The following GPM6A variants were observed in gnomAD, a reference collection of about 807,000 sequenced individuals.
GPM6A encodes neuronal membrane glycoprotein M6-a.
GPM6A carries 7 observed loss-of-function variants against 32.1 expected under a neutral mutation model. The observed-to-expected ratio is 0.22, with a 90% CI of 0.12 to 0.41. The LOEUF (loss-of-function observed/expected upper bound fraction) is 0.41, where lower values mean the gene tolerates loss of function less well. Ranked by LOEUF, GPM6A falls within the 10% of genes least tolerant of loss-of-function variation. GPM6A has a pLI of 1.00. For synonymous variants in GPM6A, 130 were observed against 123.4 expected, an observed-to-expected ratio of 1.05 and a Z score of -0.35; for missense variants, 235 against 347.2, an observed-to-expected ratio of 0.68 and a Z score of 2.57.
intron 1 of GPM6A, among the ~76,000 whole-genome samples, chr4:175,724,256 T>G (rs181560172): frequency 2.3e-3 from 343 of 152,244 alleles, no homozygotes; most frequent in African/African-American, 8.0e-3. Flanking sequence ...GTAAAAAAGT[T>G]GAACTCGGCC....
chr4:175,685,564 G>A (rs922157653), intron 2 of GPM6A, among the ~76,000 whole-genome samples: 16 of 152,012 alleles, frequency 1.1e-4, no homozygotes, highest in African/African-American at 3.9e-4. Flanking sequence ...ATTATTATTG[G>A]AATTGGCTTA....
At chr4:175,830,490 C>T (rs556448931) in intron 1 of GPM6A, among the ~76,000 whole-genome samples, 1 of 152,144 alleles carries the variant, frequency 6.6e-6, no homozygotes, top group South Asian at 2.1e-4. Context: ...CATATATCAT[C>T]CCATTTAATC....
chr4:175,958,369 A>G (rs1248926556), intron 1 of GPM6A, among the ~76,000 whole-genome samples: 4 of 152,206 alleles, frequency 2.6e-5, no homozygotes, highest in Non-Finnish European at 5.9e-5. Context: ...GTTGATTCAG[A>G]GGCATGTTTA....
chr4:175,720,047 GT>G (rs1746033267), intron 1 of GPM6A, among the ~76,000 whole-genome samples: 1 of 152,154 alleles, frequency 6.6e-6, no homozygotes, highest in Non-Finnish European at 1.5e-5. Context: ...CGGATGCACT[GT>G]TTTTTCTTAC....
At chr4:175,780,814 G>A (rs183124471) in intron 1 of GPM6A, among the ~76,000 whole-genome samples, 57 of 152,202 alleles carry the variant, frequency 3.7e-4, no homozygotes, top group African/African-American at 1.2e-3. Flanking sequence ...CAAAATAAGT[G>A]AATTTGTGAT....
chr4:175,715,584 G>A (rs1328052794), intron 1 of GPM6A, among the ~76,000 whole-genome samples: 1 of 152,102 alleles, frequency 6.6e-6, no homozygotes, highest in Non-Finnish European at 1.5e-5. Flanking sequence ...AAATGGGAGT[G>A]GGGTAGAATC....
intron 1 of GPM6A, among the ~76,000 whole-genome samples, chr4:175,826,172 C>CAA (rs372616594): frequency 7.0e-6 from 1 of 143,374 alleles, no homozygotes. Flanking sequence ...AACAAACAAA[C>CAA]AAACAAAAAA....
chr4:175,927,611 A>G (rs28513735), intron 1 of GPM6A, among the ~76,000 whole-genome samples: 5,263 of 152,338 alleles, frequency 0.035, 328 homozygotes, highest in African/African-American at 0.12. Context: ...TCGGCCAGGC[A>G]CGGTGGCTCA....
At chr4:175,741,073 ACTGT>A (rs1449646387) in intron 1 of GPM6A, among the ~76,000 whole-genome samples, 9 of 152,152 alleles carry the variant, frequency 5.9e-5, no homozygotes, top group Middle Eastern at 6.8e-3. Flanking sequence ...AAGAATCAGA[ACTGT>A]CTAATTGGTT....
At chr4:175,689,934 G>T (rs1232140479) in intron 2 of GPM6A, among the ~76,000 whole-genome samples, 2 of 152,116 alleles carry the variant, frequency 1.3e-5, no homozygotes, top group Non-Finnish European at 2.9e-5. Flanking sequence ...CTACCCTTCT[G>T]GTCTCTTTTT....
intron 1 of GPM6A, among the ~76,000 whole-genome samples, chr4:175,919,965 G>A (rs1738613168): frequency 6.6e-6 from 1 of 152,224 alleles, no homozygotes; most frequent in Non-Finnish European, 1.5e-5. Flanking sequence ...CATCAAGGAC[G>A]TTGTGAAGCA....
At chr4:175,962,214 A>G (rs1300509792) in intron 1 of GPM6A, 2 of 1,296,428 alleles carry the variant, frequency 1.5e-6, no homozygotes, top group Non-Finnish European at 2.2e-6. Context: ...GAGTCAGTTC[A>G]TGATGGTGGA....
chr4:175,792,374 T>C (rs1734046725), intron 1 of GPM6A, among the ~76,000 whole-genome samples: 2 of 152,294 alleles, frequency 1.3e-5, no homozygotes, highest in South Asian at 4.1e-4. Context: ...TGTCTACTCT[T>C]CCAAGTACTT....
In GPM6A at chr4:175,633,448, T is replaced by C. The variant is rs1297252009; in HGVS notation, c.*1457A>G. On this transcript the variant is annotated 3_prime_UTR_variant, in exon 7 of 7. Coordinates refer to ENST00000393658, the MANE Select transcript of GPM6A (RefSeq NM_201591.3). ...ATGACTAGTCATTGTACAAAGATTG[T>C]TTCACTCAATAAATTTTTATTAGAA... is the stretch of plus-strand genomic sequence containing the variant. 2 of 152,426 alleles carry C rather than the reference T, an allele frequency of 1.3e-5. No homozygotes were observed. Among genetic ancestry groups the C allele is most frequent in the Non-Finnish European group, 2.9e-5 (2 of 67,922 alleles). 9.4% of individuals were successfully genotyped at this position (152,426 alleles called of 1,614,324 possible).
At chr4:175,987,599 G>T (rs1323040462) in intron 1 of GPM6A, among the ~76,000 whole-genome samples, 4 of 150,950 alleles carry the variant, frequency 2.6e-5, no homozygotes, top group Non-Finnish European at 4.4e-5. Context: ...ACTTTGTTAA[G>T]CTATTTGACT....
chr4:175,873,089 G>A (rs778191167), intron 1 of GPM6A, among the ~76,000 whole-genome samples: 15 of 151,970 alleles, frequency 9.9e-5, no homozygotes, highest in East Asian at 3.8e-4. Flanking sequence ...TTTTAGCTAT[G>A]TTCAATTGAT....
At chr4:175,899,058 C>G (rs974349250) in intron 1 of GPM6A, among the ~76,000 whole-genome samples, 1 of 152,242 alleles carries the variant, frequency 6.6e-6, no homozygotes, top group Admixed American at 6.5e-5. Context: ...TTAAGCAAAA[C>G]CTTAGTCAGT....
chr4:175,703,798 A>G (rs1745009423), intron 1 of GPM6A, among the ~76,000 whole-genome samples: 1 of 152,176 alleles, frequency 6.6e-6, no homozygotes. Context: ...CTGACAGGCT[A>G]AGGGTACTTG....
At chr4:175,888,499 T>C (rs145613197) in intron 1 of GPM6A, among the ~76,000 whole-genome samples, 2 of 152,198 alleles carry the variant, frequency 1.3e-5, no homozygotes, top group East Asian at 1.9e-4. Context: ...TAATCTATTA[T>C]AGCAAATCCG....
Sources: allele counts gnomAD v4.1 joint callset (sites outside exome capture counted in the v4.1 genomes callset), GRCh38; gene constraint gnomAD v4.1.1; transcripts MANE v1.5; gene names NCBI Gene and HGNC (gene_info 2026-07-23, HGNC 2026-07-21).